Variants in SLC39A13 observed in about 807,000 individuals in gnomAD.
The protein encoded by SLC39A13 is solute carrier family 39 member 13.
Under a neutral mutation model 38.7 loss-of-function variants are expected in SLC39A13, and 18 were observed. The ratio of observed to expected loss-of-function variants is 0.47; its 90% CI spans 0.32 to 0.69. The LOEUF is 0.69. Among genes scored for constraint, SLC39A13 ranks in the 30% least tolerant of loss-of-function variants. SLC39A13 has a pLI of 0.03. For missense variants in SLC39A13, 395 were observed against 490.7 expected (o/e 0.80, Z 1.84); for synonymous variants, 212 against 219.1 (o/e 0.97, Z 0.29).
chr11:47,410,519 C>A, intron 2 of SLC39A13, 124 bp downstream of exon 2: 1 of 1,306,756 alleles, frequency 7.7e-7, no homozygotes, highest in South Asian at 1.2e-5. Context: ...TAGAACTTCT[C>A]CCCTTGGTCC....
At chr11:47,408,248 T>C (rs2095979159), upstream of SLC39A13, among the ~76,000 whole-genome samples, 1 of 151,910 alleles carries the variant, frequency 6.6e-6, no homozygotes, top group South Asian at 2.1e-4. Context: ...ACTGCGGCCC[T>C]GGACGGGAAG....
intron 2 of SLC39A13, 50 bp from the exon 3 acceptor site, chr11:47,411,876 C>T: frequency 6.4e-7 from 1 of 1,560,490 alleles, no homozygotes. Context: ...GAAGGTCAGG[C>T]CAGGAGCTCC....
chr11:47,414,906 G>T lies in SLC39A13; in HGVS notation c.916G>T (p.Val306Leu). ...FAICTQSPKG[V>L]VGCSPAAEET... ...CATCTGTACCCAGTCCCCCAAGGGA[G>T]TAGGTACGGGCGTGGCGGGTGGTTG... is the stretch of plus-strand genomic sequence containing the variant. The change falls in exon 8 of 10, where the codon GTA (valine) becomes TTA (leucine). Residue 306 changes from valine (V) to leucine (L), a missense_variant. Val to Leu is a conservative substitution (Grantham distance 32). Transcript: ENST00000362021. The T allele has an allele frequency of 6.2e-7, 1 of 1,612,254 alleles. No homozygotes were observed. The highest frequency in any genetic ancestry group is 8.5e-7 in the Non-Finnish European group (1 of 1,179,596).
Position 47,413,422 on chromosome 11 carries a change from C to G in SLC39A13, c.560C>G (p.Ala187Gly), listed in dbSNP as rs771219843. 3 of 1,614,166 alleles carry G rather than the reference C, an allele frequency of 1.9e-6. No individual in the cohort carries two copies. In the East Asian group the frequency reaches 6.7e-5, roughly 36 times the overall value. ...TSQAPNKDPT[A>G]AAAALNGGHC... is the part of the protein sequence containing the mutation. ...TAGGCCCCCAACAAAGACCCCACTG[C>G]TGCTGCCGCCGCGCTCAATGGAGGC... The change falls in exon 5 of 10, where the codon GCT (alanine) becomes GGT (glycine). Residue 187 changes from alanine to glycine, a missense_variant. Transcript: ENST00000362021.
chr11:47,410,063 T>C (rs2095989939), intron 1 of SLC39A13, 24 bp from the exon 2 acceptor site: 3 of 1,611,384 alleles, frequency 1.9e-6, no homozygotes, highest in Non-Finnish European at 2.5e-6. Flanking sequence ...GTAGCTCATA[T>C]AGGTGGCCTT....
chr11:47,410,550 G>C (rs1322337521), intron 2 of SLC39A13, among the ~76,000 whole-genome samples, 155 bp downstream of exon 2: 1 of 152,084 alleles, frequency 6.6e-6, no homozygotes, highest in Non-Finnish European at 1.5e-5. Flanking sequence ...ATCTAGCCAG[G>C]GGCGGCTGGC....
At position 47,415,364 on chromosome 11, in the gene SLC39A13, C is replaced by T. The variant is rs2096022021; in HGVS notation, c.*1C>T. ...GCTGTTCTCGCTCTTCGTGGATTAA[C>T]TTTCCCTGATGCCGACGCCCCTGCC... On this transcript the variant is annotated 3_prime_UTR_variant, in exon 10 of 10. Transcript: ENST00000362021. 2 of 1,613,950 alleles carry T rather than the reference C, an allele frequency of 1.2e-6. No individual in the cohort carries two copies. The highest frequency in any genetic ancestry group is 1.7e-5 in the Admixed American group (1 of 60,004).
chr11:47,414,689 C>G, intron 7 of SLC39A13, 88 bp from the exon 8 acceptor site: 1 of 1,585,758 alleles, frequency 6.3e-7, no homozygotes, highest in East Asian at 2.2e-5. Flanking sequence ...TGGGGAAGGG[C>G]AGGGGGCTCA....
Position 47,412,482 on chromosome 11 carries a change from C to A in SLC39A13, c.537+15C>A. ...GGACCAGCCAGGTGGGCCCCACACT[C>A]AAGGGCCTGGATATATCAGCCTCTG... On this transcript the variant is annotated intron_variant, in intron 4 of 9. Coordinates refer to ENST00000362021, the MANE Select transcript of SLC39A13 (RefSeq NM_001128225.3). 1 of 1,614,042 alleles carries A rather than the reference C, an allele frequency of 6.2e-7. No homozygotes were observed. Among genetic ancestry groups the A allele is most frequent in the South Asian group, 1.1e-5 (1 of 91,052 alleles).
chr11:47,414,078 C>CT (rs2096013514), intron 6 of SLC39A13: 3 of 611,742 alleles, frequency 4.9e-6, no homozygotes, highest in South Asian at 2.0e-5. Flanking sequence ...CTTCGAGCGG[C>CT]TGACGACTCA....
At position 47,415,518 on chromosome 11, in the gene SLC39A13, G is replaced by A; in HGVS notation, c.*155G>A. 1.2e-6 allele frequency: 1 copy of A among 838,354 alleles called. No individual in the cohort carries two copies. Among genetic ancestry groups the A allele is most frequent in the Non-Finnish European group, 2.0e-6 (1 of 507,256 alleles). The allele number at this position is 838,354 out of a possible 1,614,324, so 51.9% of individuals were successfully genotyped here. ...GGAGGTGCGTGTGGATGTATGTGGT[G>A]TGCACATGTGGCCAGAGGTGTGTGC... On this transcript the variant is annotated 3_prime_UTR_variant, in exon 10 of 10. Transcript: ENST00000362021.
intron 6 of SLC39A13, 49 bp downstream of exon 6, chr11:47,413,735 T>C (rs1280055285): frequency 1.3e-6 from 2 of 1,578,308 alleles, no homozygotes; most frequent in Non-Finnish European, 1.7e-6. Flanking sequence ...GTGGCAGCCA[T>C]GTGGATTCCA....
chr11:47,415,317 G>A lies in SLC39A13; in HGVS notation c.1070G>A (p.Cys357Tyr). 1 of 1,614,080 alleles carries A rather than the reference G, an allele frequency of 6.2e-7. No homozygotes were observed. Among genetic ancestry groups the A allele is most frequent in the Non-Finnish European group, 8.5e-7 (1 of 1,180,028 alleles). ...TCCCTGCAGCAGCTGCTTCTGCTCT[G>A]TGCGGGCATCGTGGTAATGGTGCTG... Reference protein sequence around the residue: ...WRSLQQLLLLCAGIVVMVLFS... With the variant: ...WRSLQQLLLLYAGIVVMVLFS... The change falls in exon 10 of 10, where the codon TGT becomes TAT. Residue 357 changes from cysteine (C) to tyrosine (Y), a missense_variant. Transcript: ENST00000362021.
chr11:47,408,890 CTACTTT>C, intron 1 of SLC39A13: 1 of 152,798 alleles, frequency 6.5e-6, no homozygotes, highest in African/African-American at 2.4e-5. Flanking sequence ...CTCTCACTCT[CTACTTT>C]CCTCTCCCCT....
rs773251294 is a variant in SLC39A13, at chr11:47,414,783, G to A, written c.793G>A (p.Asp265Asn). Reference sequence around the variant, plus strand: ...CCTCTGGACCTCCCTTCAGGTGGGCGACTTTGCCATCCTGCTCCGGGCCGG... The same window carrying A: ...CCTCTGGACCTCCCTTCAGGTGGGCAACTTTGCCATCCTGCTCCGGGCCGG... ...LLHEIPHEVG[D>N]FAILLRAGFD... Residue 265 changes from aspartate to asparagine, a missense_variant, in exon 8 of 10, where the codon GAC becomes AAC. By Grantham distance (23) the Asp-to-Asn change is conservative (BLOSUM62 1). Coordinates refer to ENST00000362021, the MANE Select transcript of SLC39A13 (RefSeq NM_001128225.3). 4 of 1,608,832 alleles carry A rather than the reference G, an allele frequency of 2.5e-6. No individual in the cohort carries two copies. The highest frequency in any genetic ancestry group is 2.2e-5 in the East Asian group (1 of 44,902).
Position 47,415,558 on chromosome 11 carries a change from G to C in SLC39A13, c.*195G>C. The C allele has an allele frequency of 2.9e-6, 2 of 685,208 alleles. No individual in the cohort carries two copies. Among genetic ancestry groups the C allele is most frequent in the Non-Finnish European group, 2.6e-6 (1 of 384,060 alleles). The allele number at this position is 685,208 out of a possible 1,614,324, so 42.4% of individuals were successfully genotyped here. The stretch of plus-strand genomic sequence containing the variant: ...GAGGTGTGTGCGCGAGACCGACACT[G>C]TGATCCCTGTGCTGGGTCCGGGGCC... On this transcript the variant is annotated 3_prime_UTR_variant, in exon 10 of 10. Transcript: ENST00000362021.
chr11:47,410,051 C>T (rs1307389786), intron 1 of SLC39A13, 36 bp from the exon 2 acceptor site: 1 of 1,610,252 alleles, frequency 6.2e-7, no homozygotes, highest in Non-Finnish European at 8.5e-7. Flanking sequence ...GCGGCCAAGG[C>T]TGTAGCTCAT....
At position 47,415,312 on chromosome 11, in the gene SLC39A13, G is replaced by A; in HGVS notation, c.1065G>A (p.Leu355=). The change falls in exon 10 of 10, where the codon CTG becomes CTA. Residue 355 remains leucine, a synonymous_variant. Coordinates refer to ENST00000362021, the MANE Select transcript of SLC39A13 (RefSeq NM_001128225.3). ...DPWRSLQQLL[L]LCAGIVVMVL... Reference sequence around the variant, plus strand: ...GGCGCTCCCTGCAGCAGCTGCTTCTGCTCTGTGCGGGCATCGTGGTAATGG... The same window carrying A: ...GGCGCTCCCTGCAGCAGCTGCTTCTACTCTGTGCGGGCATCGTGGTAATGG... 2 of 1,614,048 alleles carry A rather than the reference G, an allele frequency of 1.2e-6. No individual in the cohort carries two copies. Among genetic ancestry groups the A allele is most frequent in the Non-Finnish European group, 1.7e-6 (2 of 1,180,012 alleles).
intron 6 of SLC39A13, 118 bp downstream of exon 6, chr11:47,413,804 C>T (rs566770126): frequency 9.1e-7 from 1 of 1,101,314 alleles, no homozygotes; most frequent in Non-Finnish European, 1.3e-6. Flanking sequence ...ATCTAAGGCT[C>T]TCATCCCCCA....
Sources: allele counts gnomAD v4.1 joint callset (sites outside exome capture counted in the v4.1 genomes callset), GRCh38; gene constraint gnomAD v4.1.1; transcripts MANE v1.5; gene names NCBI Gene and HGNC (gene_info 2026-07-23, HGNC 2026-07-21).